Variants in CARTPT observed in about 807,000 individuals in gnomAD.
CARTPT encodes CART prepropeptide.
CARTPT carries 6 observed loss-of-function variants against 12.2 expected under a neutral mutation model. The observed-to-expected ratio is 0.49, with a 90% CI of 0.27 to 0.97. The LOEUF (loss-of-function observed/expected upper bound fraction) is 0.97, where lower values mean the gene tolerates loss of function less well. Ranked by LOEUF, CARTPT falls within the 50% of genes least tolerant of loss-of-function variation. The pLI is 0.12. For synonymous variants in CARTPT, 75 were observed against 64.1 expected, an observed-to-expected ratio of 1.17 and a Z score of -0.82; for missense variants, 135 against 142.0, an observed-to-expected ratio of 0.95 and a Z score of 0.25.
intron 1 of CARTPT, 88 bp from the exon 2 acceptor site, chr5:71,719,792 G>A (rs1479165110): frequency 3.2e-6 from 4 of 1,231,484 alleles, no homozygotes; most frequent in East Asian, 2.3e-5. Context: ...TGGGTCCGGG[G>A]CTCCTTATAA....
rs147424966 is a variant in CARTPT at position 71,719,356 on chromosome 5, T to C, written c.63T>C (p.Pro21=). Reference sequence around the variant, plus strand: ...GCGCCGCCCTGCTGCTGATGCTACCTCTGTTGGGTACCCGTGCCCAGGAGG... The same window carrying C: ...GCGCCGCCCTGCTGCTGATGCTACCCCTGTTGGGTACCCGTGCCCAGGAGG... The part of the protein sequence containing the change: ...LLGAALLLML[P]LLGTRAQEDA... Residue 21 remains proline (P), a synonymous_variant, in exon 1 of 3, where the codon CCT becomes CCC. Transcript: ENST00000296777. 145 of 1,614,012 alleles carry C rather than the reference T, an allele frequency of 9.0e-5. No individual in the cohort carries two copies. The African/African-American group carries it at 1.7e-3, about 19-fold the overall frequency.
intron 2 of CARTPT, 29 bp downstream of exon 2, chr5:71,719,992 GT>G (rs1748675014): frequency 6.3e-7 from 1 of 1,588,762 alleles, no homozygotes; most frequent in Admixed American, 1.7e-5. Flanking sequence ...CCCTTCCCGT[GT>G]TTTTCCAAGA....
chr5:71,719,299 G>A lies in CARTPT; in HGVS notation c.6G>A (p.Glu2=). The part of the protein sequence containing the change: M[E]SSRVRLLPLL... ...CAACGACGAGTTTCAGAACGATGGA[G>A]AGCTCCCGCGTGAGGCTGCTGCCCC... is the stretch of plus-strand genomic sequence containing the variant. The change falls in exon 1 of 3, where the codon GAG becomes GAA. Residue 2 remains glutamate (E), a synonymous_variant. Coordinates refer to ENST00000296777, the MANE Select transcript of CARTPT (RefSeq NM_004291.4). 1 of 1,611,980 alleles carries A rather than the reference G, an allele frequency of 6.2e-7. No individual in the cohort carries two copies. The highest frequency in any genetic ancestry group is 8.5e-7 in the Non-Finnish European group (1 of 1,180,006).
rs1748653621 is a variant in CARTPT, at chr5:71,719,305, C to T, written c.12C>T (p.Ser4=). 1.9e-6 allele frequency: 3 copies of T among 1,612,444 alleles called. No homozygotes were observed. The highest frequency in any genetic ancestry group is 1.1e-5 in the South Asian group (1 of 91,074). Reference sequence around the variant, plus strand: ...CGAGTTTCAGAACGATGGAGAGCTCCCGCGTGAGGCTGCTGCCCCTCCTGG... The same window carrying T: ...CGAGTTTCAGAACGATGGAGAGCTCTCGCGTGAGGCTGCTGCCCCTCCTGG... The part of the protein sequence containing the change: MES[S]RVRLLPLLGA... Residue 4 remains serine (S), a synonymous_variant, in exon 1 of 3, where the codon TCC becomes TCT. Coordinates refer to ENST00000296777, the MANE Select transcript of CARTPT (RefSeq NM_004291.4).
chr5:71,721,014 A>T lies in CARTPT; in HGVS notation c.*399A>T, dbSNP rs1249812401. On this transcript the variant is annotated 3_prime_UTR_variant, in exon 3 of 3. Coordinates refer to ENST00000296777, the MANE Select transcript of CARTPT (RefSeq NM_004291.4). ...AAGTGACACAAATTGAAGCATGTAC[A>T]AATTATACATAATAAAGTGTTTTTA... 8.3e-6 allele frequency: 2 copies of T among 239,792 alleles called. No individual in the cohort carries two copies. Among genetic ancestry groups the T allele is most frequent in the Non-Finnish European group, 1.7e-5 (2 of 120,676 alleles). The allele number at this position is 239,792 out of a possible 1,614,324, so 14.9% of individuals were successfully genotyped here. A position where few individuals can be genotyped will look rare whatever the true frequency, so the allele number is the denominator to read the frequency against.
Position 71,720,695 on chromosome 5 carries a change from T to C in CARTPT, c.*80T>C. 3.5e-6 allele frequency: 4 copies of C among 1,127,262 alleles called. No homozygotes were observed. Among genetic ancestry groups the C allele is most frequent in the Non-Finnish European group, 5.3e-6 (4 of 758,970 alleles). 69.8% of individuals were successfully genotyped at this position (1,127,262 alleles called of 1,614,324 possible). A position where few individuals can be genotyped will look rare whatever the true frequency, so the allele number is the denominator to read the frequency against. ...CACACCTTCCTCCCTGGAGTTTGGC[T>C]TAAGCAACAGATAAAGTTTTTATTT... On this transcript the variant is annotated 3_prime_UTR_variant, in exon 3 of 3. Coordinates refer to ENST00000296777, the MANE Select transcript of CARTPT (RefSeq NM_004291.4).
intron 1 of CARTPT, 81 bp downstream of exon 1, chr5:71,719,533 C>T: frequency 2.0e-6 from 3 of 1,527,866 alleles, no homozygotes; most frequent in Non-Finnish European, 2.7e-6. Context: ...CCCCCCACCC[C>T]CACTCCTATT....
Position 71,719,964 on chromosome 5 carries a change from G to A in CARTPT, c.243+1G>A. ...GAAGAAGTATGGCCAAGTCCCCATG[G>A]TAAGGTTTGTGGTCACTCCCTTCCC... On this transcript the variant is annotated splice_donor_variant, in intron 2 of 2. Transcript: ENST00000296777. LOFTEE classifies it high-confidence loss of function. 1 of 1,613,748 alleles carries A rather than the reference G, an allele frequency of 6.2e-7. No homozygotes were observed. Among genetic ancestry groups the A allele is most frequent in the Non-Finnish European group, 8.5e-7 (1 of 1,179,628 alleles).
chr5:71,719,500 C>T, intron 1 of CARTPT, 48 bp downstream of exon 1: 1 of 1,609,102 alleles, frequency 6.2e-7, no homozygotes, highest in Non-Finnish European at 8.5e-7. Context: ...CGCCTTGTCT[C>T]TTCTCTTGCA....
Position 71,719,352 on chromosome 5 carries a change from T to C in CARTPT, c.59T>C (p.Leu20Pro). 2 of 1,614,030 alleles carry C rather than the reference T, an allele frequency of 1.2e-6. No individual in the cohort carries two copies. Among genetic ancestry groups the C allele is most frequent in the Admixed American group, 1.7e-5 (1 of 60,026 alleles). Residue 20 changes from leucine (L) to proline (P), a missense_variant, in exon 1 of 3, where the codon CTA (leucine) becomes CCA (proline). Physicochemically the swap from Leu to Pro is moderately conservative, Grantham distance 98. Transcript: ENST00000296777. ...CTGGGCGCCGCCCTGCTGCTGATGC[T>C]ACCTCTGTTGGGTACCCGTGCCCAG... ...PLLGAALLLM[L>P]PLLGTRAQED...
Position 71,720,574 on chromosome 5 carries a change from C to G in CARTPT, c.310C>G (p.Arg104Gly). 1 of 1,612,474 alleles carries G rather than the reference C, an allele frequency of 6.2e-7. No homozygotes were observed. Among genetic ancestry groups the G allele is most frequent in the Non-Finnish European group, 8.5e-7 (1 of 1,179,476 alleles). The change falls in exon 3 of 3, where the codon CGA (arginine) becomes GGA (glycine). Residue 104 changes from arginine to glycine, a missense_variant. Coordinates refer to ENST00000296777, the MANE Select transcript of CARTPT (RefSeq NM_004291.4). ...ARIGKLCDCP[R>G]GTSCNSFLLK... ...GATCGGGAAGCTGTGTGACTGTCCC[C>G]GAGGAACCTCCTGCAATTCCTTCCT...
Position 71,719,955 on chromosome 5 carries a change from G to A in CARTPT, c.235G>A (p.Val79Ile), listed in dbSNP as rs77043527. 1.9e-6 allele frequency: 3 copies of A among 1,614,044 alleles called. No homozygotes were observed. The highest frequency in any genetic ancestry group is 3.3e-5 in the Admixed American group (2 of 60,030). Residue 79 changes from valine (V) to isoleucine (I), a missense_variant, in exon 2 of 3, where the codon GTC (valine) becomes ATC (isoleucine). Coordinates refer to ENST00000296777, the MANE Select transcript of CARTPT (RefSeq NM_004291.4). The stretch of plus-strand genomic sequence containing the variant: ...CATCTATGAGAAGAAGTATGGCCAA[G>A]TCCCCATGGTAAGGTTTGTGGTCAC... ...VPIYEKKYGQ[V>I]PMCDAGEQCA...
At chr5:71,719,679 C>T in intron 1 of CARTPT, 1 of 749,478 alleles carries the variant, frequency 1.3e-6, no homozygotes, top group Middle Eastern at 3.6e-4. Context: ...AACAGGGACC[C>T]CAGCGGCTCA....
chr5:71,719,382 A>G lies in CARTPT; in HGVS notation c.89A>G (p.Asp30Gly). The G allele has an allele frequency of 1.2e-6, 2 of 1,613,936 alleles. No individual in the cohort carries two copies. The highest frequency in any genetic ancestry group is 1.7e-6 in the Non-Finnish European group (2 of 1,179,986). The stretch of plus-strand genomic sequence containing the variant: ...CTGTTGGGTACCCGTGCCCAGGAGG[A>G]CGCCGAGCTCCAGCCCCGAGCCCTG... ...LPLLGTRAQE[D>G]AELQPRALDI... Residue 30 changes from aspartate (D) to glycine (G), a missense_variant, in exon 1 of 3, where the codon GAC (aspartate) becomes GGC (glycine). Physicochemically the swap from Asp to Gly is moderately conservative, Grantham distance 94. Coordinates refer to ENST00000296777, the MANE Select transcript of CARTPT (RefSeq NM_004291.4).
rs1355722933 is a variant in CARTPT at position 71,719,399 on chromosome 5, C to A, written c.106C>A (p.Arg36=). ...RAQEDAELQP[R]ALDIYSAVDD... is the part of the protein sequence containing the mutation. The stretch of plus-strand genomic sequence containing the variant: ...CCAGGAGGACGCCGAGCTCCAGCCC[C>A]GAGCCCTGGACATCTACTCTGCCGT... The change falls in exon 1 of 3, where the codon CGA becomes AGA. Residue 36 remains arginine, a synonymous_variant. Coordinates refer to ENST00000296777, the MANE Select transcript of CARTPT (RefSeq NM_004291.4). The A allele has an allele frequency of 6.2e-7, 1 of 1,614,158 alleles. No homozygotes were observed. Among genetic ancestry groups the A allele is most frequent in the African/African-American group, 1.3e-5 (1 of 75,044 alleles).
chr5:71,719,890 T>A lies in CARTPT; in HGVS notation c.170T>A (p.Leu57Gln). 2.5e-6 allele frequency: 4 copies of A among 1,614,204 alleles called. No individual in the cohort carries two copies. The highest frequency in any genetic ancestry group is 3.4e-6 in the Non-Finnish European group (4 of 1,180,038). The change falls in exon 2 of 3, where the codon CTG (leucine) becomes CAG (glutamine). Residue 57 changes from leucine (L) to glutamine (Q), a missense_variant. Physicochemically the swap from Leu to Gln is moderately radical, Grantham distance 113. Transcript: ENST00000296777. ...ASHEKELIEA[L>Q]QEVLKKLKSK... ...AGCGGTGTGTTGCAGATCGAAGCGC[T>A]GCAAGAAGTCTTGAAGAAGCTCAAG...
At chr5:71,720,326 C>T (rs550782452) in intron 2 of CARTPT, among the ~76,000 whole-genome samples, 182 bp from the exon 3 acceptor site, 42 of 152,274 alleles carry the variant, frequency 2.8e-4, no homozygotes, top group Middle Eastern at 3.4e-3. Flanking sequence ...AAAAAATGTA[C>T]TCTCACTGAG....
At chr5:71,720,013 C>A (rs201723664) in intron 2 of CARTPT, 50 bp downstream of exon 2, 3 of 1,478,628 alleles carry the variant, frequency 2.0e-6, no homozygotes, top group East Asian at 4.5e-5. Context: ...AGAAAGTACA[C>A]CGCCTTGAAT....
chr5:71,719,767 A>T, intron 1 of CARTPT, 113 bp from the exon 2 acceptor site: 1 of 991,058 alleles, frequency 1.0e-6, no homozygotes, highest in Non-Finnish European at 1.6e-6. Flanking sequence ...GCGGAGTCCC[A>T]CCGCAGAGTG....
Sources: allele counts gnomAD v4.1 joint callset (sites outside exome capture counted in the v4.1 genomes callset), GRCh38; gene constraint gnomAD v4.1.1; transcripts MANE v1.5; gene names NCBI Gene and HGNC (gene_info 2026-07-23, HGNC 2026-07-21).